FSTL5: variants seen among roughly 807,000 people sequenced by gnomAD.
The protein encoded by FSTL5 is follistatin like 5, also known as follistatin-related protein 5.
FSTL5 carries 62 observed loss-of-function variants against 89.1 expected under a neutral mutation model. That is an observed-to-expected ratio of 0.70 (90% confidence interval 0.57 to 0.86). The LOEUF is 0.86. Ranked by LOEUF, FSTL5 falls within the 40% of genes least tolerant of loss-of-function variation. The pLI is 0.00. For synonymous variants in FSTL5, 383 were observed against 346.2 expected, an observed-to-expected ratio of 1.11 and a Z score of -1.18; for missense variants, 1,057 against 1,001.6, an observed-to-expected ratio of 1.06 and a Z score of -0.75.
chr4:161,529,225 G>A (rs908328822), intron 10 of FSTL5, among the ~76,000 whole-genome samples: 1 of 142,760 alleles, frequency 7.0e-6, no homozygotes, highest in African/African-American at 2.5e-5. Flanking sequence ...GCAAAAAGTG[G>A]CAACATGTTA....
chr4:162,107,051 C>A (rs1434729646), intron 2 of FSTL5, among the ~76,000 whole-genome samples: 1 of 152,204 alleles, frequency 6.6e-6, no homozygotes, highest in Non-Finnish European at 1.5e-5. Context: ...CAGAACTAGA[C>A]ACATGGTCCT....
chr4:161,987,470 GTATA>G (rs201220219), intron 3 of FSTL5, among the ~76,000 whole-genome samples: 11 of 130,142 alleles, frequency 8.5e-5, no homozygotes, highest in African/African-American at 3.1e-4. Flanking sequence ...ATATATATAT[GTATA>G]TATATATATA....
At position 161,976,217 on chromosome 4, in the gene FSTL5, T is replaced by C. The variant is rs558154650; in HGVS notation, c.161-55565A>G. Reference sequence around the variant, plus strand: ...TTAAGAGCGTAAGCCTTCTTTCCTTTGGCAGAAAGGCAGTAGATTACAGAG... The same window carrying C: ...TTAAGAGCGTAAGCCTTCTTTCCTTCGGCAGAAAGGCAGTAGATTACAGAG... On this transcript the variant is annotated intron_variant, in intron 3 of 15. Transcript: ENST00000306100. Among the ~76,000 whole-genome samples the C allele has an allele frequency of 9.9e-5, 15 of 152,264 alleles. No homozygotes were observed. In the South Asian group the frequency reaches 2.9e-3, roughly 29 times the overall value.
chr4:162,037,234 C>T (rs1385382647), intron 2 of FSTL5, among the ~76,000 whole-genome samples: 2 of 151,802 alleles, frequency 1.3e-5, no homozygotes, highest in African/African-American at 4.8e-5. Context: ...GAAGACCAGT[C>T]TCTGTAATAG....
At chr4:162,086,492 T>A (rs1308353082) in intron 2 of FSTL5, among the ~76,000 whole-genome samples, 1 of 152,022 alleles carries the variant, frequency 6.6e-6, no homozygotes, top group Non-Finnish European at 1.5e-5. Context: ...TCTGGCATAA[T>A]GAATATGTCA....
At chr4:161,675,558 A>T (rs1335273512) in intron 6 of FSTL5, among the ~76,000 whole-genome samples, 1 of 151,264 alleles carries the variant, frequency 6.6e-6, no homozygotes, top group African/African-American at 2.4e-5. Context: ...ATTTTAAAAA[A>T]CAGAGAATTA....
intron 8 of FSTL5, among the ~76,000 whole-genome samples, chr4:161,579,731 C>A (rs200381842): frequency 2.1e-3 from 204 of 98,630 alleles, no homozygotes; most frequent in South Asian, 2.7e-3. Context: ...CAAAAACAAA[C>A]AAAAAAAAAA....
chr4:161,718,872 T>C (rs755620355), intron 6 of FSTL5, among the ~76,000 whole-genome samples: 1 of 152,236 alleles, frequency 6.6e-6, no homozygotes, highest in Non-Finnish European at 1.5e-5. Context: ...AAGGGGGATC[T>C]GAATCATCGT....
At chr4:161,550,620 A>G (rs1198147753) in intron 8 of FSTL5, among the ~76,000 whole-genome samples, 1 of 150,888 alleles carries the variant, frequency 6.6e-6, no homozygotes, top group Non-Finnish European at 1.5e-5. Flanking sequence ...TTTAGGGTAC[A>G]TGAGCACATT....
intron 3 of FSTL5, among the ~76,000 whole-genome samples, chr4:161,938,717 C>T (rs1015316042): frequency 1.3e-5 from 2 of 151,904 alleles, no homozygotes; most frequent in East Asian, 1.9e-4. Flanking sequence ...TATTACATAT[C>T]GAAATAATTG....
intron 6 of FSTL5, among the ~76,000 whole-genome samples, chr4:161,739,279 C>T (rs1354802309): frequency 6.6e-6 from 1 of 152,176 alleles, no homozygotes; most frequent in Non-Finnish European, 1.5e-5. Flanking sequence ...CCACACATAT[C>T]AGGAGAATGC....
At chr4:161,813,775 T>C (rs534447341) in intron 4 of FSTL5, among the ~76,000 whole-genome samples, 2 of 152,254 alleles carry the variant, frequency 1.3e-5, no homozygotes, top group African/African-American at 2.4e-5. Context: ...TTATTCTATA[T>C]GATGAACTGG....
At chr4:161,959,289 A>G (rs1477398128) in intron 3 of FSTL5, among the ~76,000 whole-genome samples, 1 of 152,104 alleles carries the variant, frequency 6.6e-6, no homozygotes, top group Non-Finnish European at 1.5e-5. Flanking sequence ...ACATATATTT[A>G]TTTTATTGAT....
At chr4:162,112,775 T>TCTCACA (rs1554000431) in intron 1 of FSTL5, among the ~76,000 whole-genome samples, 2 of 139,328 alleles carry the variant, frequency 1.4e-5, no homozygotes, top group African/African-American at 5.3e-5. Flanking sequence ...ACCGACACAA[T>TCTCACA]CACACACACA....
At chr4:161,546,581 A>G (rs1732015141) in intron 8 of FSTL5, among the ~76,000 whole-genome samples, 1 of 151,866 alleles carries the variant, frequency 6.6e-6, no homozygotes, top group Non-Finnish European at 1.5e-5. Context: ...AAGAGAACAC[A>G]TTATAGACAG....
chr4:162,086,620 T>A (rs1407141469), intron 2 of FSTL5, among the ~76,000 whole-genome samples: 1 of 152,002 alleles, frequency 6.6e-6, no homozygotes, highest in Non-Finnish European at 1.5e-5. Context: ...AAATTTATAG[T>A]TTATTTCAAG....
chr4:161,504,092 T>C (rs1730392810), intron 11 of FSTL5, among the ~76,000 whole-genome samples: 1 of 151,962 alleles, frequency 6.6e-6, no homozygotes, highest in Non-Finnish European at 1.5e-5. Flanking sequence ...ATGTAAACAA[T>C]GTTTTACCTT....
At chr4:161,619,458 A>C (rs1456762579) in intron 7 of FSTL5, among the ~76,000 whole-genome samples, 1 of 152,242 alleles carries the variant, frequency 6.6e-6, no homozygotes, top group African/African-American at 2.4e-5. Flanking sequence ...AAGGGCTAAT[A>C]TCCAGAATCT....
intron 12 of FSTL5, among the ~76,000 whole-genome samples, chr4:161,484,112 A>G (rs1729602033): frequency 6.6e-6 from 1 of 152,156 alleles, no homozygotes; most frequent in African/African-American, 2.4e-5. Context: ...TGCTAAGCCA[A>G]AGTAAATCAA....
Sources: allele counts gnomAD v4.1 joint callset (sites outside exome capture counted in the v4.1 genomes callset), GRCh38; gene constraint gnomAD v4.1.1; transcripts MANE v1.5; gene names NCBI Gene and HGNC (gene_info 2026-07-23, HGNC 2026-07-21).